TMEM266: variants seen among roughly 807,000 people sequenced by gnomAD.
The protein encoded by TMEM266 is Hv1 related protein 1.
Under a neutral mutation model 50.5 loss-of-function variants are expected in TMEM266, and 33 were observed. The observed-to-expected ratio is 0.65, with a 90% confidence interval of 0.50 to 0.87. The LOEUF (loss-of-function observed/expected upper bound fraction) is 0.87. Among genes scored for constraint, TMEM266 ranks in the 40% least tolerant of loss-of-function variants. The pLI is 0.00. For synonymous variants in TMEM266, 310 were observed against 292.3 expected (o/e 1.06, Z -0.62); for missense variants, 655 against 695.1 (o/e 0.94, Z 0.65).
At chr15:76,126,339 A>C (rs1310069275) in intron 1 of TMEM266, among the ~76,000 whole-genome samples, 1 of 148,098 alleles carries the variant, frequency 6.8e-6, no homozygotes, top group Non-Finnish European at 1.5e-5. Context: ...CAATAGACAA[A>C]TATGTGTGTG....
Position 76,204,335 on chromosome 15 carries a change from G to A in TMEM266, c.*20G>A, listed in dbSNP as rs2038803281. On this transcript the variant is annotated 3_prime_UTR_variant, in exon 11 of 11. Coordinates refer to ENST00000388942, the MANE Select transcript of TMEM266 (RefSeq NM_152335.3). ...GCCTAGAGCCTGCCATGGGCTGGGT[G>A]AGATGAGGGGAGACAGCCATCTCAA... 6.4e-7 allele frequency: 1 copy of A among 1,566,082 alleles called. No individual in the cohort carries two copies. The highest frequency in any genetic ancestry group is 8.7e-7 in the Non-Finnish European group (1 of 1,150,286).
At chr15:76,064,353 G>A (rs1342063065) in intron 1 of TMEM266, among the ~76,000 whole-genome samples, 1 of 152,214 alleles carries the variant, frequency 6.6e-6, no homozygotes, top group Non-Finnish European at 1.5e-5. Flanking sequence ...CACAGCCTGA[G>A]ATGTCTTTGG....
At chr15:76,119,391 C>CAAAAAAAAAAAA (rs57532855) in intron 1 of TMEM266, among the ~76,000 whole-genome samples, 3 of 109,740 alleles carry the variant, frequency 2.7e-5, no homozygotes, top group Admixed American at 8.7e-5. Context: ...GGGTTTATGG[C>CAAAAAAAAAAAA]AAAAAAAAAA....
intron 7 of TMEM266, among the ~76,000 whole-genome samples, chr15:76,173,362 G>A (rs2038216732): frequency 6.6e-6 from 1 of 152,128 alleles, no homozygotes; most frequent in African/African-American, 2.4e-5. Flanking sequence ...AGGAAGGGCT[G>A]GGTTTCGAGG....
intron 1 of TMEM266, among the ~76,000 whole-genome samples, chr15:76,086,142 G>A (rs928834466): frequency 1.3e-5 from 2 of 152,136 alleles, no homozygotes; most frequent in Non-Finnish European, 2.9e-5. Context: ...CAGGTGAATG[G>A]AAGAAACAAA....
chr15:76,074,181 ATTCACCTTTTGCACCT>A lies in TMEM266; in HGVS notation c.-97+14166_-97+14181del, dbSNP rs1282591580. 4.6e-5 allele frequency among the ~76,000 whole-genome samples: 7 copies of A among 152,158 alleles called. 1 individual carries two copies. Among genetic ancestry groups the A allele is most frequent in the African/African-American group, 1.7e-4 (7 of 41,374 alleles). On this transcript the variant is annotated intron_variant, in intron 1 of 10. Transcript: ENST00000388942. ...ATCCTACTACCCATAGATAATTATT[ATTCACCTTTTGCACCT>A]ATCCTTTCAGACTGGTTATTCATAT... is the stretch of plus-strand genomic sequence containing the variant.
At chr15:76,171,627 C>T (rs2142061124) in intron 7 of TMEM266, among the ~76,000 whole-genome samples, 1 of 152,362 alleles carries the variant, frequency 6.6e-6, no homozygotes, top group East Asian at 1.9e-4. Flanking sequence ...AGCCCATTGA[C>T]CTGCAAACAA....
chr15:76,122,026 C>A (rs1167384514), intron 1 of TMEM266, among the ~76,000 whole-genome samples: 1 of 152,140 alleles, frequency 6.6e-6, no homozygotes, highest in African/African-American at 2.4e-5. Context: ...ACCAAAAAGC[C>A]CTTTATTTAG....
Position 76,153,835 on chromosome 15 carries a change from A to G in TMEM266, c.228-2769A>G, listed in dbSNP as rs2037881065. Reference sequence around the variant, plus strand: ...AGTGATGATAGCCAAAGATATCTTAAAATGCAAAGGCTCGTTAATGGATGG... The same window carrying G: ...AGTGATGATAGCCAAAGATATCTTAGAATGCAAAGGCTCGTTAATGGATGG... On this transcript the variant is annotated intron_variant, in intron 3 of 10. Transcript: ENST00000388942. This position sits in a 1 kb window ranked among gnomAD's most constrained non-coding sequence, Gnocchi z 4.2. 1.3e-5 allele frequency among the ~76,000 whole-genome samples: 2 copies of G among 152,200 alleles called. No individual in the cohort carries two copies.
At chr15:76,136,335 A>C (rs1432957828) in intron 2 of TMEM266, among the ~76,000 whole-genome samples, 1 of 152,164 alleles carries the variant, frequency 6.6e-6, no homozygotes, top group Non-Finnish European at 1.5e-5. Context: ...GTCACTCTGG[A>C]GCTCCTCCGA....
intron 1 of TMEM266, among the ~76,000 whole-genome samples, chr15:76,082,527 G>A (rs891429434): frequency 6.6e-6 from 1 of 152,214 alleles, no homozygotes; most frequent in African/African-American, 2.4e-5. Context: ...CAGAATTGCA[G>A]CAATTAACTT....
intron 1 of TMEM266, among the ~76,000 whole-genome samples, chr15:76,062,854 T>G (rs952972495): frequency 6.6e-6 from 1 of 152,194 alleles, no homozygotes; most frequent in African/African-American, 2.4e-5. Flanking sequence ...TTAAGCATTA[T>G]TTGTTTTTAT....
chr15:76,130,512 C>T (rs75424495), intron 1 of TMEM266, among the ~76,000 whole-genome samples: 14,566 of 152,346 alleles, frequency 0.096, 858 homozygotes, highest in Middle Eastern at 0.16. Context: ...CGCACTCCAG[C>T]CTGGGTGACA....
intron 4 of TMEM266, among the ~76,000 whole-genome samples, chr15:76,158,839 G>T (rs2037967837): frequency 6.6e-6 from 1 of 152,176 alleles, no homozygotes; most frequent in East Asian, 1.9e-4. Context: ...CAAAGCCAGG[G>T]GGCCTCAGAG....
chr15:76,060,583 A>G (rs1429233563), intron 1 of TMEM266, among the ~76,000 whole-genome samples: 1 of 152,188 alleles, frequency 6.6e-6, no homozygotes, highest in Non-Finnish European at 1.5e-5. Flanking sequence ...TCAGGCCAGA[A>G]TCCCCTTCAG....
chr15:76,196,303 C>G (rs2038655528), intron 9 of TMEM266, among the ~76,000 whole-genome samples: 1 of 152,174 alleles, frequency 6.6e-6, no homozygotes, highest in Non-Finnish European at 1.5e-5. Flanking sequence ...ACTGCCTGCC[C>G]CAGCCTAGGC....
intron 3 of TMEM266, among the ~76,000 whole-genome samples, chr15:76,152,495 G>A (rs2037859410): frequency 6.6e-6 from 1 of 152,146 alleles, no homozygotes; most frequent in African/African-American, 2.4e-5. Flanking sequence ...GTGGTGGGTG[G>A]TGAGCTATAC....
intron 7 of TMEM266, among the ~76,000 whole-genome samples, 168 bp downstream of exon 7, chr15:76,171,299 G>A (rs905591429): frequency 3.3e-5 from 5 of 152,184 alleles, no homozygotes; most frequent in Admixed American, 6.5e-5. Flanking sequence ...GCCATCACGC[G>A]TTCATGCACA....
intron 1 of TMEM266, among the ~76,000 whole-genome samples, chr15:76,082,317 T>C (rs1307389269): frequency 6.6e-6 from 1 of 152,184 alleles, no homozygotes; most frequent in Non-Finnish European, 1.5e-5. Flanking sequence ...CTTTGGCTCA[T>C]GGTTCTGCAT....
Sources: gnomAD v4.1 joint callset for allele counts (sites outside exome capture counted in the v4.1 genomes callset) on GRCh38, gnomAD v4.1.1 for gene constraint, Gnocchi (gnomAD v3.1) non-coding constraint, MANE v1.5 for transcripts, NCBI Gene and HGNC (gene_info 2026-07-23, HGNC 2026-07-21) for gene names.